AKAP9: variants seen among roughly 807,000 people sequenced by gnomAD.
AKAP9 encodes A-kinase anchor protein 9.
In AKAP9, 311 loss-of-function variants were observed where a neutral mutation model predicts 488.5. The ratio of observed to expected loss-of-function variants is 0.64; its 90% CI spans 0.58 to 0.70. The LOEUF (loss-of-function observed/expected upper bound fraction) is 0.70. Among genes scored for constraint, AKAP9 ranks in the 30% least tolerant of loss-of-function variants. The pLI, the probability that AKAP9 is intolerant of heterozygous loss-of-function variation, is 0.00. For missense variants in AKAP9, 4,215 were observed against 4,374.5 expected (o/e 0.96, Z 1.03); for synonymous variants, 1,462 against 1,483.5 (o/e 0.99, Z 0.33).
intron 1 of AKAP9, among the ~76,000 whole-genome samples, chr7:91,943,559 A>G: frequency 6.6e-6 from 1 of 152,218 alleles, no homozygotes; most frequent in African/African-American, 2.4e-5. Flanking sequence ...AAGAGGGATG[A>G]GCTGCAGTAG....
intron 20 of AKAP9, among the ~76,000 whole-genome samples, chr7:92,044,363 A>G (rs1416944485): frequency 2.0e-5 from 3 of 152,218 alleles, no homozygotes; most frequent in African/African-American, 7.2e-5. Context: ...CCTGGAGCAG[A>G]TGTAATAAAA....
intron 1 of AKAP9, among the ~76,000 whole-genome samples, chr7:91,954,913 A>G (rs1792759447): frequency 6.6e-6 from 1 of 152,234 alleles, no homozygotes; most frequent in Non-Finnish European, 1.5e-5. Flanking sequence ...GCCAGAAGGA[A>G]AATTGACTAT....
chr7:92,040,553 A>T, intron 17 of AKAP9, 121 bp from the exon 18 acceptor site: 2 of 690,502 alleles, frequency 2.9e-6, no homozygotes, highest in Non-Finnish European at 4.8e-6. Context: ...ATAAAATATC[A>T]CATGCTTTAT....
chr7:91,958,791 T>C (rs1793363535), intron 1 of AKAP9, among the ~76,000 whole-genome samples: 1 of 152,166 alleles, frequency 6.6e-6, no homozygotes, highest in Non-Finnish European at 1.5e-5. Context: ...ACTTAAATCT[T>C]ACTCTATATA....
chr7:92,012,381 G>A (rs771861550), intron 8 of AKAP9, 48 bp from the exon 9 acceptor site: 1 of 1,507,300 alleles, frequency 6.6e-7, no homozygotes, highest in Non-Finnish European at 9.1e-7. Flanking sequence ...TAAATTATTT[G>A]ATTTGTCATT....
At position 92,018,265 on chromosome 7, in the gene AKAP9, G is replaced by A. The variant is rs564495498; in HGVS notation, c.3837+1163G>A. ...CCAGGCATGGTGGTACATGCCTGTC[G>A]TCCCAGCTACTTGAGAAGCTGAGGT... On this transcript the variant is annotated intron_variant, in intron 12 of 49. Coordinates refer to ENST00000356239, the MANE Select transcript of AKAP9 (RefSeq NM_005751.5). 9.7e-4 allele frequency among the ~76,000 whole-genome samples: 148 copies of A among 151,820 alleles called. 3 individuals are homozygous for A. The South Asian group carries it at 0.029, about 29-fold the overall frequency.
chr7:92,027,953 ATTC>A (rs2130747588), intron 14 of AKAP9, among the ~76,000 whole-genome samples: 1 of 152,228 alleles, frequency 6.6e-6, no homozygotes, highest in South Asian at 2.1e-4. Context: ...ACTAAGAAAA[ATTC>A]TTCTGCCTTG....
chr7:92,087,399 A>T (rs1222060857), intron 37 of AKAP9, among the ~76,000 whole-genome samples: 1 of 152,230 alleles, frequency 6.6e-6, no homozygotes, highest in Non-Finnish European at 1.5e-5. Flanking sequence ...TGAGATATAA[A>T]AATAATAGAA....
Position 91,965,281 on chromosome 7 carries a change from T to G in AKAP9, c.49-8430T>G, listed in dbSNP as rs138234949. On this transcript the variant is annotated intron_variant, in intron 1 of 49. Transcript: ENST00000356239. ...CAGCTCCCATATATGAGTGAGAACG[T>G]CTGATATTTGTCTTTCTGTGCTTAG... 6.7e-3 allele frequency among the ~76,000 whole-genome samples: 1,017 copies of G among 152,314 alleles called. 8 individuals carry two copies. Among genetic ancestry groups the G allele is most frequent in the Non-Finnish European group, 0.01 (683 of 68,020 alleles).
intron 47 of AKAP9, among the ~76,000 whole-genome samples, chr7:92,106,687 G>C (rs1818561564): frequency 6.6e-6 from 1 of 152,140 alleles, no homozygotes; most frequent in South Asian, 2.1e-4. Flanking sequence ...TAAAGATGAG[G>C]TCCGAATCTG....
intron 8 of AKAP9, among the ~76,000 whole-genome samples, chr7:92,006,799 T>G (rs1799932258): frequency 6.6e-6 from 1 of 152,166 alleles, no homozygotes; most frequent in South Asian, 2.1e-4. Context: ...TGGCAGGAAT[T>G]TTTTAGATAC....
At chr7:91,992,499 A>G (rs917792716) in intron 4 of AKAP9, among the ~76,000 whole-genome samples, 1 of 151,872 alleles carries the variant, frequency 6.6e-6, no homozygotes, top group Admixed American at 6.6e-5. Context: ...CCGCATCTCT[A>G]CTATAAGTAC....
At chr7:91,991,072 T>G (rs929478745) in intron 3 of AKAP9, among the ~76,000 whole-genome samples, 1 of 152,152 alleles carries the variant, frequency 6.6e-6, no homozygotes, top group Admixed American at 6.6e-5. Context: ...TATATAGGGT[T>G]CAATACTATT....
Position 92,078,793 on chromosome 7 carries a change from G to A in AKAP9, c.6946-286G>A, listed in dbSNP as rs142436874. ...GCCATCGGTTGTAGACTTTATTTCC[G>A]TACTTCATCCTTTTCCATTAAGAAG... is the stretch of plus-strand genomic sequence containing the variant. On this transcript the variant is annotated intron_variant, in intron 30 of 49. Coordinates refer to ENST00000356239, the MANE Select transcript of AKAP9 (RefSeq NM_005751.5). 3.0e-3 allele frequency among the ~76,000 whole-genome samples: 458 copies of A among 152,034 alleles called. 2 individuals carry two copies. The highest frequency in any genetic ancestry group is 5.2e-3 in the Non-Finnish European group (351 of 67,970).
intron 45 of AKAP9, among the ~76,000 whole-genome samples, chr7:92,101,709 G>A (rs1817546901): frequency 6.6e-6 from 1 of 152,146 alleles, no homozygotes; most frequent in South Asian, 2.1e-4. Flanking sequence ...CTGTAAAATG[G>A]TAAGCCCTCT....
intron 3 of AKAP9, among the ~76,000 whole-genome samples, chr7:91,991,124 C>G (rs776569889): frequency 6.6e-6 from 1 of 152,164 alleles, no homozygotes; most frequent in Admixed American, 6.5e-5. Context: ...AACATATCCC[C>G]TGTGGATTAA....
chr7:91,945,349 A>G (rs1791332512), intron 1 of AKAP9, among the ~76,000 whole-genome samples: 1 of 152,190 alleles, frequency 6.6e-6, no homozygotes, highest in African/African-American at 2.4e-5. Context: ...TCTACTAAAA[A>G]ATACAAAAAA....
intron 18 of AKAP9, 141 bp from the exon 19 acceptor site, chr7:92,041,905 T>G: frequency 1.2e-6 from 1 of 843,438 alleles, no homozygotes; most frequent in Middle Eastern, 3.6e-4. Context: ...TGTATATACT[T>G]TTAACCCCTT....
In AKAP9 at chr7:92,061,286, A is replaced by G. The variant is rs780509776; in HGVS notation, c.5628A>G (p.Thr1876=). The change falls in exon 23 of 50, where the codon ACA becomes ACG. Residue 1876 remains threonine (T), a synonymous_variant. Transcript: ENST00000356239. The part of the protein sequence containing the change: ...SQLEHAKVTQ[T]ELMRESFRQK... The stretch of plus-strand genomic sequence containing the variant: ...TTGAACATGCGAAAGTGACACAGAC[A>G]GAGTTGATGCGTGAGTCATTTAGAC... The G allele has an allele frequency of 2.5e-6, 4 of 1,612,778 alleles. No individual in the cohort carries two copies. The highest frequency in any genetic ancestry group is 3.4e-6 in the Non-Finnish European group (4 of 1,179,156).
Sources: gnomAD v4.1 joint callset for allele counts (sites outside exome capture counted in the v4.1 genomes callset) on GRCh38, gnomAD v4.1.1 for gene constraint, MANE v1.5 for transcripts, NCBI Gene and HGNC (gene_info 2026-07-23, HGNC 2026-07-21) for gene names.